GCA: variants seen among roughly 807,000 people sequenced by gnomAD.
GCA encodes grancalcin, also known as grancalcin, EF-hand calcium-binding protein.
In GCA, 30 loss-of-function variants were observed where a neutral mutation model predicts 32.6. That is an observed-to-expected ratio of 0.92 (90% confidence interval 0.69 to 1.25). GCA has a LOEUF of 1.25. Ranked by LOEUF, GCA falls within the 50% of genes most tolerant of loss-of-function variation. The probability of loss-of-function intolerance (pLI) is 0.00; values close to 1 mark genes in which losing one functional copy is unlikely to be tolerated. For missense variants in GCA, 291 were observed against 266.8 expected (o/e 1.09, Z -0.63); for synonymous variants, 102 against 84.6 (o/e 1.21, Z -1.13).
At position 162,361,566 on chromosome 2, in the gene GCA, C is replaced by G. The variant is rs1369434645; in HGVS notation, c.*1323C>G. The G allele has an allele frequency of 3.1e-6, 3 of 981,636 alleles. No homozygotes were observed. The highest frequency in any genetic ancestry group is 2.3e-4 in the East Asian group (2 of 8,756). The allele number at this position is 981,636 out of a possible 1,614,324, so 60.8% of individuals were successfully genotyped here. ...TATCTTGAACAAAATCTTTTATAAA[C>G]TTACAGAATTTTAAATCAGCCTTCA... On this transcript the variant is annotated 3_prime_UTR_variant, in exon 8 of 8. Transcript: ENST00000437150.
chr2:162,321,621 C>G (rs1394202869), intron 1 of GCA, among the ~76,000 whole-genome samples: 1 of 151,948 alleles, frequency 6.6e-6, no homozygotes, highest in African/African-American at 2.4e-5. Context: ...TTCAGGCTGT[C>G]TGAGTTCACA....
At chr2:162,327,989 G>A (rs924967706) in intron 1 of GCA, among the ~76,000 whole-genome samples, 5 of 152,276 alleles carry the variant, frequency 3.3e-5, no homozygotes, top group Admixed American at 2.0e-4. Context: ...TTGGCGCCTC[G>A]TCTGCCTGGG....
exon 5 of GCA, chr2:162,371,509 G>C (rs1320877632): frequency 8.3e-7 from 1 of 1,200,102 alleles, no homozygotes; most frequent in African/African-American, 1.6e-5. Context: ...TACTGGTTTA[G>C]TAAAAGCAGT....
chr2:162,361,726 C>T lies in GCA; in HGVS notation c.*1483C>T. On this transcript the variant is annotated 3_prime_UTR_variant, in exon 8 of 8. Coordinates refer to ENST00000437150, the MANE Select transcript of GCA (RefSeq NM_012198.5). ...TAATACACATAATTTTGTTCTCTGG[C>T]TTTTTTATGAACATATATTTGATAA... The T allele has an allele frequency of 1.0e-6, 1 of 982,202 alleles. No individual in the cohort carries two copies. The highest frequency in any genetic ancestry group is 1.2e-6 in the Non-Finnish European group (1 of 827,312). The allele number at this position is 982,202 out of a possible 1,614,324, so 60.8% of individuals were successfully genotyped here.
chr2:162,354,302 T>TG (rs1396555498), intron 3 of GCA, among the ~76,000 whole-genome samples: 1 of 152,192 alleles, frequency 6.6e-6, no homozygotes, highest in Non-Finnish European at 1.5e-5. Flanking sequence ...TGTCAGTATC[T>TG]TTAGGGATTC....
intron 1 of GCA, 96 bp downstream of exon 1, chr2:162,344,371 C>A: frequency 8.3e-7 from 1 of 1,210,134 alleles, no homozygotes; most frequent in Non-Finnish European, 1.2e-6. Flanking sequence ...GGCTCCTGCT[C>A]CCTGCGTCCG....
chr2:162,331,331 G>C (rs1355762115), intron 1 of GCA, among the ~76,000 whole-genome samples: 1 of 152,148 alleles, frequency 6.6e-6, no homozygotes, highest in Non-Finnish European at 1.5e-5. Flanking sequence ...TGATTATTTA[G>C]GGGTTACAAA....
rs1558902015 is a variant in GCA, at chr2:162,356,908, AAGAACATTAACATTCTTT to A, written c.454+8_454+25del. The A allele has an allele frequency of 2.5e-6, 4 of 1,585,264 alleles. No homozygotes were observed. Among genetic ancestry groups the A allele is most frequent in the Non-Finnish European group, 3.5e-6 (4 of 1,159,014 alleles). ...GCGTCAAGCCATTGGTCTTATGGGT[AAGAACATTAACATTCTTT>A]AGAATCTATAAAGCTAATCTTTGTT... On this transcript the variant is annotated splice_donor_5th_base_variant and intron_variant, in intron 5 of 7. Coordinates refer to ENST00000437150, the MANE Select transcript of GCA (RefSeq NM_012198.5).
chr2:162,352,984 T>C (rs896474848), intron 3 of GCA, among the ~76,000 whole-genome samples: 1 of 152,194 alleles, frequency 6.6e-6, no homozygotes, highest in African/African-American at 2.4e-5. Context: ...TCAGGTATTA[T>C]CCTAGAACTC....
chr2:162,349,978 C>T (rs1269918470), intron 2 of GCA, among the ~76,000 whole-genome samples: 1 of 152,148 alleles, frequency 6.6e-6, no homozygotes, highest in Non-Finnish European at 1.5e-5. Flanking sequence ...AGACAATATA[C>T]ACAGAATTAA....
At position 162,362,332 on chromosome 2, in the gene GCA, AACAG is replaced by A; in HGVS notation, c.*2093_*2096del. ...GGCAACTCTTCTGCACTTTACATTA[AACAG>A]ACAAACTTATGTTAACAAAAACATT... On this transcript the variant is annotated 3_prime_UTR_variant, in exon 8 of 8. Transcript: ENST00000437150. 1.0e-6 allele frequency: 1 copy of A among 983,600 alleles called. No individual in the cohort carries two copies. The highest frequency in any genetic ancestry group is 1.2e-6 in the Non-Finnish European group (1 of 828,536). 60.9% of individuals were successfully genotyped at this position (983,600 alleles called of 1,614,324 possible). A position where few individuals can be genotyped will look rare whatever the true frequency, so the allele number is the denominator to read the frequency against.
chr2:162,361,996 A>G lies in GCA; in HGVS notation c.*1753A>G. 1.0e-6 allele frequency: 1 copy of G among 983,192 alleles called. No homozygotes were observed. The highest frequency in any genetic ancestry group is 1.2e-6 in the Non-Finnish European group (1 of 828,096). 60.9% of individuals were successfully genotyped at this position (983,192 alleles called of 1,614,324 possible). On this transcript the variant is annotated 3_prime_UTR_variant, in exon 8 of 8. Coordinates refer to ENST00000437150, the MANE Select transcript of GCA (RefSeq NM_012198.5). ...GTTGAGGTAAAACTTTTAAAATGAC[A>G]AATGGTATTATTCATGTAAGCTTCT...
At position 162,356,761 on chromosome 2, in the gene GCA, G is replaced by A. The variant is rs1685294063; in HGVS notation, c.310G>A (p.Asp104Asn). The A allele has an allele frequency of 1.2e-6, 2 of 1,601,704 alleles. No homozygotes were observed. Among genetic ancestry groups the A allele is most frequent in the Middle Eastern group, 1.7e-4 (1 of 6,012 alleles). The change falls in exon 5 of 8, where the codon GAT becomes AAT. Residue 104 changes from aspartate to asparagine, a missense_variant. Physicochemically the swap from Asp to Asn is conservative, Grantham distance 23. Coordinates refer to ENST00000437150, the MANE Select transcript of GCA (RefSeq NM_012198.5). ...CRIMIAMLDR[D>N]HTGKMGFNAF... Reference sequence around the variant, plus strand: ...TTTTTGTTAATAAAACTATCAGAGAGATCACACAGGAAAAATGGGATTTAA... The same window carrying A: ...TTTTTGTTAATAAAACTATCAGAGAAATCACACAGGAAAAATGGGATTTAA...
At chr2:162,349,549 G>T (rs753988027) in intron 2 of GCA, among the ~76,000 whole-genome samples, 11 of 151,818 alleles carry the variant, frequency 7.2e-5, no homozygotes, top group Non-Finnish European at 1.6e-4. Flanking sequence ...TCATTCACTT[G>T]TTTAACAATT....
At chr2:162,334,121 T>A (rs1684183214) in intron 1 of GCA, among the ~76,000 whole-genome samples, 1 of 152,194 alleles carries the variant, frequency 6.6e-6, no homozygotes, top group Admixed American at 6.5e-5. Flanking sequence ...CTTGCTTCCT[T>A]CCTGAGACTT....
downstream of GCA, chr2:162,372,206 A>C: frequency 1.2e-6 from 1 of 844,868 alleles, no homozygotes; most frequent in Non-Finnish European, 1.8e-6. Flanking sequence ...TCTATATTTG[A>C]TTAGTGATAT....
chr2:162,344,157 G>GCTGCGC lies in GCA; in HGVS notation c.-89_-84dup. On this transcript the variant is annotated 5_prime_UTR_variant, in exon 1 of 8. Coordinates refer to ENST00000437150, the MANE Select transcript of GCA (RefSeq NM_012198.5). Reference sequence around the variant, plus strand: ...AGTGCGCCTTTCAGCCTCACCTGCAGCTGCGCCTCCTTGCACCTGCGCCTG... The same window carrying GCTGCGC: ...AGTGCGCCTTTCAGCCTCACCTGCAGCTGCGCCTGCGCCTCCTTGCACCTGCGCCTG... 1 of 1,396,984 alleles carries GCTGCGC rather than the reference G, an allele frequency of 7.2e-7. No homozygotes were observed. The highest frequency in any genetic ancestry group is 1.0e-6 in the Non-Finnish European group (1 of 986,918). The allele number at this position is 1,396,984 out of a possible 1,614,324, so 86.5% of individuals were successfully genotyped here.
chr2:162,371,233 A>G, intron 4 of GCA: 1 of 613,716 alleles, frequency 1.6e-6, no homozygotes, highest in African/African-American at 1.9e-5. Flanking sequence ...CTGTTGGCCT[A>G]TGTTTAGTTT....
intron 3 of GCA, among the ~76,000 whole-genome samples, chr2:162,355,453 A>G (rs1685217085): frequency 6.6e-6 from 1 of 152,096 alleles, no homozygotes; most frequent in African/African-American, 2.4e-5. Flanking sequence ...GATGTTATGG[A>G]TAAAATAATT....
Sources: gnomAD v4.1 joint callset for allele counts (sites outside exome capture counted in the v4.1 genomes callset) on GRCh38, gnomAD v4.1.1 for gene constraint, MANE v1.5 for transcripts, NCBI Gene and HGNC (gene_info 2026-07-23, HGNC 2026-07-21) for gene names.